Variants in ADGRB3 observed in about 807,000 individuals in gnomAD.
ADGRB3 encodes the protein brain-specific angiogenesis inhibitor 3.
A neutral mutation model predicts 193.4 loss-of-function variants in ADGRB3; 37 were observed. That is an observed-to-expected ratio of 0.19 (90% CI 0.15 to 0.25). The LOEUF is 0.25. Among genes scored for constraint, ADGRB3 ranks in the 10% least tolerant of loss-of-function variants. ADGRB3 has a pLI of 1.00. For missense variants in ADGRB3, 1,637 were observed against 1,852.9 expected, an observed-to-expected ratio of 0.88 and a Z score of 2.14; for synonymous variants, 690 against 644.2, an observed-to-expected ratio of 1.07 and a Z score of -1.08.
chr6:69,125,872 A>G (rs1773836721), intron 17 of ADGRB3, among the ~76,000 whole-genome samples: 1 of 152,088 alleles, frequency 6.6e-6, no homozygotes. Flanking sequence ...ATCCATATCC[A>G]TGTTCTCGAG....
chr6:69,092,064 C>T (rs926935582), intron 17 of ADGRB3, among the ~76,000 whole-genome samples: 4 of 152,194 alleles, frequency 2.6e-5, no homozygotes, highest in Admixed American at 2.6e-4. Flanking sequence ...AACAGTTAAA[C>T]CTTTTCTCTC....
At position 69,136,158 on chromosome 6, in the gene ADGRB3, G is replaced by A. The variant is rs552606810; in HGVS notation, c.2480+60120G>A. On this transcript the variant is annotated intron_variant, in intron 17 of 31. Coordinates refer to ENST00000370598, the MANE Select transcript of ADGRB3 (RefSeq NM_001704.3). ...CATACATATGTAGGCATGGCTGTGT[G>A]TGTATATACTCAAATATATGTATGT... Among the ~76,000 whole-genome samples the A allele has an allele frequency of 3.3e-5, 5 of 152,132 alleles. No homozygotes were observed. In the East Asian group the frequency reaches 9.7e-4, roughly 29 times the overall value.
chr6:68,641,198 G>A (rs972900773), intron 3 of ADGRB3, among the ~76,000 whole-genome samples: 1 of 152,082 alleles, frequency 6.6e-6, no homozygotes, highest in Non-Finnish European at 1.5e-5. Context: ...GAGTACTGAC[G>A]ACAGTGGAGA....
chr6:68,796,754 A>G (rs1767216229), intron 3 of ADGRB3, among the ~76,000 whole-genome samples: 1 of 152,188 alleles, frequency 6.6e-6, no homozygotes, highest in African/African-American at 2.4e-5. Flanking sequence ...TGGAAATGAA[A>G]TAAAATAGAA....
intron 17 of ADGRB3, among the ~76,000 whole-genome samples, chr6:69,150,277 T>C (rs1019989124): frequency 3.3e-5 from 5 of 152,140 alleles, no homozygotes; most frequent in African/African-American, 1.2e-4. Context: ...GAAATCTACC[T>C]GGCACGCTAT....
chr6:69,285,768 A>C (rs1402687782), intron 20 of ADGRB3, among the ~76,000 whole-genome samples: 1 of 151,994 alleles, frequency 6.6e-6, no homozygotes, highest in Non-Finnish European at 1.5e-5. Flanking sequence ...GATATTCTGC[A>C]TGCTCTCCTA....
chr6:69,052,957 G>A (rs550947484), intron 15 of ADGRB3, among the ~76,000 whole-genome samples: 89 of 152,264 alleles, frequency 5.8e-4, no homozygotes, highest in African/African-American at 1.9e-3. Flanking sequence ...AGGCCGAGGC[G>A]GGTGGATGAC....
intron 3 of ADGRB3, among the ~76,000 whole-genome samples, chr6:68,836,538 C>T (rs1768049422): frequency 6.6e-6 from 1 of 152,150 alleles, no homozygotes; most frequent in Non-Finnish European, 1.5e-5. Context: ...TTCCACATTA[C>T]ATTCAAATGT....
chr6:68,903,636 A>G (rs1186367986), intron 3 of ADGRB3, among the ~76,000 whole-genome samples: 1 of 152,136 alleles, frequency 6.6e-6, no homozygotes, highest in Admixed American at 6.5e-5. Flanking sequence ...CTCTAAGAGC[A>G]GTAGCAGGCC....
intron 5 of ADGRB3, among the ~76,000 whole-genome samples, chr6:68,942,745 G>A (rs1767678386): frequency 6.6e-6 from 1 of 152,016 alleles, no homozygotes; most frequent in African/African-American, 2.4e-5. Flanking sequence ...TGAGCATCTG[G>A]GACTACAGGC....
chr6:68,758,938 C>T (rs1016950728), intron 3 of ADGRB3, among the ~76,000 whole-genome samples: 1 of 152,100 alleles, frequency 6.6e-6, no homozygotes, highest in African/African-American at 2.4e-5. Flanking sequence ...CTGAGATTGG[C>T]AGTTTTATAC....
At chr6:69,361,909 G>T (rs1005143845) in intron 29 of ADGRB3, among the ~76,000 whole-genome samples, 3 of 151,238 alleles carry the variant, frequency 2.0e-5, no homozygotes, top group Non-Finnish European at 4.4e-5. Context: ...GTGTCTACGT[G>T]GCATTACAAA....
chr6:68,877,681 T>G (rs1479860477), intron 3 of ADGRB3, among the ~76,000 whole-genome samples: 1 of 152,118 alleles, frequency 6.6e-6, no homozygotes, highest in Admixed American at 6.5e-5. Context: ...ATCTTTCTTC[T>G]TGCAATTTAT....
At chr6:69,141,128 T>TGGGG (rs1554153879) in intron 17 of ADGRB3, among the ~76,000 whole-genome samples, 2 of 121,568 alleles carry the variant, frequency 1.6e-5, no homozygotes, top group African/African-American at 3.0e-5. Context: ...TCTTTTTTTT[T>TGGGG]GGGGGGGGCG....
chr6:68,910,573 A>G (rs1489502704), intron 3 of ADGRB3, among the ~76,000 whole-genome samples: 1 of 152,110 alleles, frequency 6.6e-6, no homozygotes, highest in South Asian at 2.1e-4. Flanking sequence ...ATCTTGAATT[A>G]ATTTTTGTAT....
At position 68,644,697 on chromosome 6, in the gene ADGRB3, G is replaced by A. The variant is rs568093395; in HGVS notation, c.757+5265G>A. 1.2e-3 allele frequency among the ~76,000 whole-genome samples: 186 copies of A among 152,146 alleles called. 6 individuals are homozygous for A. The South Asian group carries it at 0.037, about 30-fold the overall frequency. The stretch of plus-strand genomic sequence containing the variant: ...TATAACAAAATGCCACAATTATTCC[G>A]TTTGCCATCTTAGAATTTCACCAAT... On this transcript the variant is annotated intron_variant, in intron 3 of 31. Coordinates refer to ENST00000370598, the MANE Select transcript of ADGRB3 (RefSeq NM_001704.3).
intron 3 of ADGRB3, among the ~76,000 whole-genome samples, chr6:68,689,058 G>A (rs139340803): frequency 4.6e-5 from 7 of 152,118 alleles, no homozygotes; most frequent in East Asian, 3.9e-4. Context: ...CTGACCATAC[G>A]TCTGTAAATA....
intron 20 of ADGRB3, among the ~76,000 whole-genome samples, chr6:69,248,484 A>G (rs1306847284): frequency 6.6e-6 from 1 of 152,216 alleles, no homozygotes; most frequent in Non-Finnish European, 1.5e-5. Context: ...AGATCTGTTG[A>G]CCAAAGTAAA....
intron 5 of ADGRB3, among the ~76,000 whole-genome samples, chr6:68,941,182 T>TA (rs1170207935): frequency 6.6e-6 from 1 of 152,098 alleles, no homozygotes; most frequent in Non-Finnish European, 1.5e-5. Context: ...GCTGCAAAAT[T>TA]AAAAAATATA....
Sources: allele counts gnomAD v4.1 joint callset (sites outside exome capture counted in the v4.1 genomes callset), GRCh38; gene constraint gnomAD v4.1.1; transcripts MANE v1.5; gene names NCBI Gene and HGNC (gene_info 2026-07-23, HGNC 2026-07-21).